The following MAP3K12 variants were observed in gnomAD, a reference collection of about 807,000 sequenced individuals.
MAP3K12 encodes mitogen-activated protein kinase kinase kinase 12, also known as MAPK-upstream kinase.
A neutral mutation model predicts 87.5 loss-of-function variants in MAP3K12; 14 were observed. That is an observed-to-expected ratio of 0.16 (90% CI 0.11 to 0.25). The LOEUF (loss-of-function observed/expected upper bound fraction) is 0.25, where lower values mean the gene tolerates loss of function less well. Among genes scored for constraint, MAP3K12 ranks in the 10% least tolerant of loss-of-function variants. The probability of loss-of-function intolerance (pLI) is 1.00; values close to 1 mark genes in which losing one functional copy is unlikely to be tolerated. For synonymous variants in MAP3K12, 469 were observed against 452.5 expected, an observed-to-expected ratio of 1.04 and a Z score of -0.46; for missense variants, 802 against 1,140.4, an observed-to-expected ratio of 0.70 and a Z score of 4.27.
At chr12:53,484,434 C>G in intron 6 of MAP3K12, 69 bp from the exon 7 acceptor site, 1 of 1,165,370 alleles carries the variant, frequency 8.6e-7, no homozygotes, top group Non-Finnish European at 1.3e-6. Context: ...CTGGAGCATC[C>G]TTTCCCAAAG....
chr12:53,484,085 T>C, intron 7 of MAP3K12, 65 bp from the exon 8 acceptor site: 3 of 1,521,624 alleles, frequency 2.0e-6, no homozygotes, highest in Non-Finnish European at 2.7e-6. Flanking sequence ...CTCTGCAGGT[T>C]GCCCACACCA....
At position 53,486,763 on chromosome 12, in the gene MAP3K12, G is replaced by A; in HGVS notation, c.446-141C>T. The A allele has an allele frequency of 1.4e-6, 2 of 1,458,658 alleles. No homozygotes were observed. The highest frequency in any genetic ancestry group is 2.9e-5 in the South Asian group (2 of 68,900). 90.4% of individuals were successfully genotyped at this position (1,458,658 alleles called of 1,614,324 possible). ...AATAGGCCAAGAAGAAGGTTCGAGG[G>A]GACAGGGAAGGAATGAATGGGTGGC... is the stretch of plus-strand genomic sequence containing the variant. On this transcript the variant is annotated intron_variant, in intron 2 of 13. Coordinates refer to ENST00000547488, the MANE Select transcript of MAP3K12 (RefSeq NM_001193511.2). This position sits in a 1 kb window ranked among gnomAD's most constrained non-coding sequence, Gnocchi z 4.9.
chr12:53,496,074 G>A (rs1221773569), intron 1 of MAP3K12, among the ~76,000 whole-genome samples: 1 of 152,198 alleles, frequency 6.6e-6, no homozygotes, highest in East Asian at 1.9e-4. Context: ...GTTAAGTAGG[G>A]TGATAGAGGG....
chr12:53,493,240 G>A (rs1943465178), intron 1 of MAP3K12, among the ~76,000 whole-genome samples: 1 of 152,052 alleles, frequency 6.6e-6, no homozygotes, highest in Admixed American at 6.5e-5. Context: ...CCTGGGCCCC[G>A]CCCCTGACCT....
rs1226037721 is a variant in MAP3K12 at position 53,484,023 on chromosome 12, A to G, written c.1249-3T>C. On this transcript the variant is annotated splice_region_variant and splice_polypyrimidine_tract_variant and intron_variant, in intron 7 of 13. Coordinates refer to ENST00000547488, the MANE Select transcript of MAP3K12 (RefSeq NM_001193511.2). ...TTTACTTCTTCCCGCCACTCTGCCT[A>G]TGGGTTGAGAGCAGATGAAGAGTGA... 25 of 1,613,522 alleles carry G rather than the reference A, an allele frequency of 1.5e-5. No individual in the cohort carries two copies. The highest frequency in any genetic ancestry group is 2.2e-5 in the East Asian group (1 of 44,896).
At chr12:53,483,558 A>G (rs1453452994) in intron 9 of MAP3K12, 49 bp downstream of exon 9, 3 of 1,613,698 alleles carry the variant, frequency 1.9e-6, no homozygotes, top group Non-Finnish European at 2.5e-6. Flanking sequence ...TAGGACCTCT[A>G]AGGCAGGCAC....
At chr12:53,493,668 C>T (rs1247341462) in intron 1 of MAP3K12, 1 of 152,060 alleles carries the variant, frequency 6.6e-6, no homozygotes, top group African/African-American at 2.4e-5. Context: ...CCTTTTCTGT[C>T]TAGAAGCCGA....
rs1055806273 is a variant in MAP3K12, at chr12:53,479,789, G to A, written c.*1393C>T. 5.7e-6 allele frequency: 1 copy of A among 176,438 alleles called. No homozygotes were observed. Among genetic ancestry groups the A allele is most frequent in the African/African-American group, 2.4e-5 (1 of 41,636 alleles). 10.9% of individuals were successfully genotyped at this position (176,438 alleles called of 1,614,324 possible). ...AATTTTTCAAAAAAATTAAAAGATG[G>A]ACTGGAGCTTTTTCTTTGTGAATAG... On this transcript the variant is annotated 3_prime_UTR_variant, in exon 14 of 14. Transcript: ENST00000547488.
Position 53,487,134 on chromosome 12 carries a change from C to T in MAP3K12, c.258G>A (p.Gln86=), listed in dbSNP as rs1943248769. Residue 86 remains glutamine (Q), a synonymous_variant, in exon 2 of 14, where the codon CAG becomes CAA. Coordinates refer to ENST00000547488, the MANE Select transcript of MAP3K12 (RefSeq NM_001193511.2). ...FANSVLQLHE[Q]DAGGPGGAAG... is the part of the protein sequence containing the mutation. ...CTGCTCCCCCTGGGCCCCCTGCATCCTGCTCATGTAGCTGCAGGACACTGT... is the reference window on the plus strand; with the variant it reads ...CTGCTCCCCCTGGGCCCCCTGCATCTTGCTCATGTAGCTGCAGGACACTGT... 6.2e-7 allele frequency: 1 copy of T among 1,614,110 alleles called. No individual in the cohort carries two copies. Among genetic ancestry groups the T allele is most frequent in the Non-Finnish European group, 8.5e-7 (1 of 1,180,008 alleles).
Position 53,494,021 on chromosome 12 carries a change from T to C in MAP3K12, c.-38+5406A>G, listed in dbSNP as rs1285931452. ...GGAAAGCTGCTGCCCCTGGGAGCTA[T>C]AGTAAAGTGGAGATTCCTCTCTCCC... is the stretch of plus-strand genomic sequence containing the variant. On this transcript the variant is annotated intron_variant, in intron 1 of 13. Coordinates refer to ENST00000547488, the MANE Select transcript of MAP3K12 (RefSeq NM_001193511.2). 1.2e-4 allele frequency among the ~76,000 whole-genome samples: 19 copies of C among 152,286 alleles called. 1 individual carries two copies. The highest frequency in any genetic ancestry group is 2.0e-4 in the Admixed American group (3 of 15,296).
At chr12:53,490,705 C>G (rs1322667421) in intron 1 of MAP3K12, among the ~76,000 whole-genome samples, 1 of 150,750 alleles carries the variant, frequency 6.6e-6, no homozygotes, top group Non-Finnish European at 1.5e-5. Flanking sequence ...GAGATCGCAC[C>G]ACTGCACTCC....
At chr12:53,501,072 C>T (rs1057326525), upstream of MAP3K12, 1 of 364,874 alleles carries the variant, frequency 2.7e-6, no homozygotes, top group Non-Finnish European at 5.1e-6. Flanking sequence ...CTTCACGGAC[C>T]GGGAGAGAGG....
chr12:53,485,864 A>C, intron 4 of MAP3K12, 192 bp downstream of exon 4: 1 of 597,778 alleles, frequency 1.7e-6, no homozygotes, highest in East Asian at 2.9e-5. Flanking sequence ...CCTGCCTTTC[A>C]GTTTAAAATC....
intron 1 of MAP3K12, chr12:53,487,713 A>G (rs553303967): frequency 4.0e-5 from 12 of 297,682 alleles, no homozygotes; most frequent in Admixed American, 1.9e-4. Flanking sequence ...GTGGGTACAC[A>G]CTGGTAAAAT....
chr12:53,487,373 T>C lies in MAP3K12; in HGVS notation c.19A>G (p.Thr7Ala), dbSNP rs776604016. The part of the protein sequence containing the change: MACLHE[T>A]RTPSPSFGGF... ...CCAAAGGAAGGAGAGGGTGTTCGGG[T>C]CTCATGGAGGCAAGCCATCGCCTCT... Residue 7 changes from threonine to alanine, a missense_variant, in exon 2 of 14, where the codon ACC (threonine) becomes GCC (alanine). Coordinates refer to ENST00000547488, the MANE Select transcript of MAP3K12 (RefSeq NM_001193511.2). 1 of 1,612,080 alleles carries C rather than the reference T, an allele frequency of 6.2e-7. No homozygotes were observed. The highest frequency in any genetic ancestry group is 1.7e-5 in the Admixed American group (1 of 59,860).
chr12:53,492,138 C>A (rs1169220001), intron 1 of MAP3K12, among the ~76,000 whole-genome samples: 1 of 151,990 alleles, frequency 6.6e-6, no homozygotes, highest in Non-Finnish European at 1.5e-5. Context: ...GCCTGGAAGG[C>A]GCTTCTCATC....
intron 6 of MAP3K12, 29 bp downstream of exon 6, chr12:53,485,027 C>G (rs1943192268): frequency 6.2e-7 from 1 of 1,613,706 alleles, no homozygotes; most frequent in African/African-American, 1.3e-5. Context: ...CTTCTCCAGG[C>G]CCAGTATCCC....
intron 4 of MAP3K12, chr12:53,485,807 C>T (rs1205214036): frequency 9.4e-6 from 5 of 529,440 alleles, no homozygotes; most frequent in South Asian, 2.4e-5. Flanking sequence ...CCACCCGCCT[C>T]GGCCTCCCAA....
rs1943120737 is a variant in MAP3K12, at chr12:53,483,077, C to A, written c.1726G>T (p.Gly576Cys). 4 of 1,537,590 alleles carry A rather than the reference C, an allele frequency of 2.6e-6. No homozygotes were observed. The highest frequency in any genetic ancestry group is 3.5e-6 in the Non-Finnish European group (4 of 1,143,992). Residue 576 changes from glycine (G) to cysteine (C), a missense_variant, in exon 11 of 14, where the codon GGC (glycine) becomes TGC (cysteine). This residue lies in a region of MAP3K12 where 490 missense variants were observed against 496.6 expected (regional missense o/e 0.99). Transcript: ENST00000547488. ...GPPSPGRSRR[G>C]KTRHRKASAK... ...CTGGCCTTGCGGTGACGGGTCTTGC[C>A]ACGGCGACTCCGTCCTGGTGAGGGG... is the stretch of plus-strand genomic sequence containing the variant.
Sources: allele counts gnomAD v4.1 joint callset (sites outside exome capture counted in the v4.1 genomes callset), GRCh38; gene constraint gnomAD v4.1.1; regional missense constraint gnomAD v4.1.1; non-coding constraint Gnocchi (gnomAD v3.1); transcripts MANE v1.5; gene names NCBI Gene and HGNC (gene_info 2026-07-23, HGNC 2026-07-21).